Variants in RXRA observed in about 807,000 individuals in gnomAD.
RXRA encodes the protein retinoid X receptor alpha, also known as retinoic acid receptor RXR-alpha.
Under a neutral mutation model 44.5 loss-of-function variants are expected in RXRA, and 5 were observed. The ratio of observed to expected loss-of-function variants is 0.11; its 90% CI spans 0.06 to 0.24. The LOEUF (loss-of-function observed/expected upper bound fraction) is 0.24, where lower values mean the gene tolerates loss of function less well. Among genes scored for constraint, RXRA ranks in the 10% least tolerant of loss-of-function variants. RXRA has a pLI of 1.00. For missense variants in RXRA, 412 were observed against 646.5 expected, an observed-to-expected ratio of 0.64 and a Z score of 3.93; for synonymous variants, 291 against 271.4, an observed-to-expected ratio of 1.07 and a Z score of -0.71.
chr9:134,375,983 C>A (rs1830551729), intron 1 of RXRA, among the ~76,000 whole-genome samples: 1 of 151,160 alleles, frequency 6.6e-6, no homozygotes, highest in South Asian at 2.1e-4. Flanking sequence ...CCACCCCACC[C>A]CGCCAGGCTC....
intron 1 of RXRA, among the ~76,000 whole-genome samples, chr9:134,391,155 C>T (rs1830793558): frequency 6.6e-6 from 1 of 152,190 alleles, no homozygotes; most frequent in Non-Finnish European, 1.5e-5. Flanking sequence ...ATGCCAGGCC[C>T]CAGGACATGC....
intron 1 of RXRA, among the ~76,000 whole-genome samples, chr9:134,369,258 TTG>T (rs1830459784): frequency 3.7e-5 from 1 of 26,932 alleles, no homozygotes; most frequent in Non-Finnish European, 6.5e-5. Context: ...TGTAGGGGGG[TTG>T]TGTGTGTGGG....
chr9:134,388,357 G>C lies in RXRA; in HGVS notation c.29-13275G>C, dbSNP rs184833135. Among the ~76,000 whole-genome samples, 19 of 152,100 alleles carry C rather than the reference G, an allele frequency of 1.2e-4. No individual in the cohort carries two copies. In the East Asian group the frequency reaches 3.1e-3, roughly 25 times the overall value. ...GGGGTCACTACGGGCATCTGGTGCT[G>C]GGTCAGGCACTCTGAGCGTCTCCTG... On this transcript the variant is annotated intron_variant, in intron 1 of 9. Transcript: ENST00000481739.
chr9:134,347,125 G>A (rs1313097369), intron 1 of RXRA, among the ~76,000 whole-genome samples: 5 of 151,570 alleles, frequency 3.3e-5, no homozygotes, highest in African/African-American at 1.2e-4. Context: ...GACGGGCAAG[G>A]GTGGGATGGA....
At chr9:134,337,128 TG>T (rs1433844637) in intron 1 of RXRA, among the ~76,000 whole-genome samples, 4 of 152,220 alleles carry the variant, frequency 2.6e-5, no homozygotes, top group African/African-American at 9.7e-5. Context: ...TGGGAGTCCT[TG>T]AACTCAGATT....
At position 134,401,506 on chromosome 9, in the gene RXRA, G is replaced by A. The variant is rs567979987; in HGVS notation, c.29-126G>A. The stretch of plus-strand genomic sequence containing the variant: ...GCGTCAGAGAGCTGTCGAGACCCAC[G>A]GGGCCACCTTGAGGGTGCCGGGGTC... On this transcript the variant is annotated intron_variant, in intron 1 of 9. Transcript: ENST00000481739. 1.3e-5 allele frequency: 20 copies of A among 1,491,286 alleles called. No individual in the cohort carries two copies. The Admixed American group carries it at 2.0e-4, about 15-fold the overall frequency. The allele number at this position is 1,491,286 out of a possible 1,614,324, so 92.4% of individuals were successfully genotyped here. A position where few individuals can be genotyped will look rare whatever the true frequency, so the allele number is the denominator to read the frequency against.
chr9:134,359,039 G>A (rs577788384), intron 1 of RXRA, among the ~76,000 whole-genome samples: 1 of 152,314 alleles, frequency 6.6e-6, no homozygotes, highest in East Asian at 1.9e-4. Context: ...CAGCTGCTGG[G>A]GGCTGCCGTG....
rs1830194239 is a variant in RXRA, at chr9:134,349,416, G to A, written c.28+22757G>A. Among the ~76,000 whole-genome samples the A allele has an allele frequency of 6.6e-6, 1 of 152,204 alleles. No individual in the cohort carries two copies. Among genetic ancestry groups the A allele is most frequent in the Non-Finnish European group, 1.5e-5 (1 of 68,038 alleles). ...TCCACGGGGAGCAGGAGGGAGGAGAGGGACAGGCTGGTGGGTCGGGGAAGA... is the reference window on the plus strand; with the variant it reads ...TCCACGGGGAGCAGGAGGGAGGAGAAGGACAGGCTGGTGGGTCGGGGAAGA... On this transcript the variant is annotated intron_variant, in intron 1 of 9. Transcript: ENST00000481739. The surrounding 1 kb of genome is among the most constrained non-coding windows in gnomAD (Gnocchi z 4.3).
At chr9:134,397,461 G>C (rs1830896959) in intron 1 of RXRA, among the ~76,000 whole-genome samples, 1 of 151,944 alleles carries the variant, frequency 6.6e-6, no homozygotes, top group Non-Finnish European at 1.5e-5. Flanking sequence ...CGGCCTCCAG[G>C]TATCTGCACT....
Position 134,378,366 on chromosome 9 carries a change from C to CCA in RXRA, c.29-23266_29-23265insCA, listed in dbSNP as rs71381808. 4.6e-5 allele frequency among the ~76,000 whole-genome samples: 7 copies of CCA among 152,354 alleles called. No individual in the cohort carries two copies. In the South Asian group the frequency reaches 1.2e-3, roughly 27 times the overall value. The stretch of plus-strand genomic sequence containing the variant: ...GTGTGTGCCGGCCAGCGCCTGTGTG[C>CCA]GGGGTCCTTACCACTGTGTGGTTTA... On this transcript the variant is annotated intron_variant, in intron 1 of 9. Transcript: ENST00000481739.
At chr9:134,345,116 G>C (rs1349722772) in intron 1 of RXRA, among the ~76,000 whole-genome samples, 28 of 152,224 alleles carry the variant, frequency 1.8e-4, no homozygotes, top group Non-Finnish European at 2.9e-5. Context: ...CAGCGACTGT[G>C]GCAGCCCCTG....
intron 6 of RXRA, chr9:134,427,222 G>T: frequency 1.0e-6 from 1 of 967,188 alleles, no homozygotes; most frequent in Non-Finnish European, 1.2e-6. Flanking sequence ...GCTGGGCAGT[G>T]TGGAAGCTGT....
At chr9:134,414,100 C>T (rs898089672) in intron 4 of RXRA, among the ~76,000 whole-genome samples, 20 of 152,256 alleles carry the variant, frequency 1.3e-4, no homozygotes, top group Non-Finnish European at 1.9e-4. Context: ...CCGGCCCCTC[C>T]TGCCCCCCAG....
chr9:134,377,063 C>T (rs1030498153), intron 1 of RXRA, among the ~76,000 whole-genome samples: 8 of 152,204 alleles, frequency 5.3e-5, no homozygotes, highest in African/African-American at 9.6e-5. Flanking sequence ...GCCTAGGGGC[C>T]GACCCTGTGA....
At chr9:134,344,579 AG>A (rs1554748501) in intron 1 of RXRA, among the ~76,000 whole-genome samples, 1 of 151,980 alleles carries the variant, frequency 6.6e-6, no homozygotes, top group Non-Finnish European at 1.5e-5. Context: ...GCTGGATCCC[AG>A]GCCCTGGGCC....
At chr9:134,337,168 G>A (rs1830020607) in intron 1 of RXRA, among the ~76,000 whole-genome samples, 1 of 152,230 alleles carries the variant, frequency 6.6e-6, no homozygotes, top group Admixed American at 6.5e-5. Flanking sequence ...GGGGTGCTCA[G>A]CCCCAGTGCC....
Position 134,397,779 on chromosome 9 carries a change from G to C in RXRA, c.29-3853G>C, listed in dbSNP as rs573739785. ...TATGGCTCAGGTTCTGAGGTTCCCA[G>C]ATCCCGCCATTCAGTTTTGCCACTC... On this transcript the variant is annotated intron_variant, in intron 1 of 9. Transcript: ENST00000481739. Among the ~76,000 whole-genome samples the C allele has an allele frequency of 1.3e-4, 20 of 152,260 alleles. No homozygotes were observed. The East Asian group carries it at 3.7e-3, about 28-fold the overall frequency.
rs953066436 is a variant in RXRA at position 134,407,551 on chromosome 9, G to T, written c.280-598G>T. On this transcript the variant is annotated intron_variant, in intron 2 of 9. Transcript: ENST00000481739. This position sits in a 1 kb window ranked among gnomAD's most constrained non-coding sequence, Gnocchi z 4.8. ...GCGGGCCGGCGGGTGGGGCGGAGGG[G>T]TGTGCAGAGAGGCCAGTGGTGTCGT... Among the ~76,000 whole-genome samples, 1 of 152,004 alleles carries T rather than the reference G, an allele frequency of 6.6e-6. No individual in the cohort carries two copies. Among genetic ancestry groups the T allele is most frequent in the Non-Finnish European group, 1.5e-5 (1 of 67,976 alleles).
intron 1 of RXRA, among the ~76,000 whole-genome samples, chr9:134,375,765 G>A (rs1830548016): frequency 1.3e-5 from 2 of 152,142 alleles, no homozygotes; most frequent in South Asian, 4.1e-4. Context: ...TCCCTGGTGC[G>A]GAGTAGGAGG....
Sources: allele counts gnomAD v4.1 joint callset (sites outside exome capture counted in the v4.1 genomes callset), GRCh38; gene constraint gnomAD v4.1.1; non-coding constraint Gnocchi (gnomAD v3.1); transcripts MANE v1.5; gene names NCBI Gene and HGNC (gene_info 2026-07-23, HGNC 2026-07-21).